Variants in KCTD2 observed in about 807,000 individuals in gnomAD.
The protein encoded by KCTD2 is BTB/POZ domain-containing protein KCTD2.
Under a neutral mutation model 27.9 loss-of-function variants are expected in KCTD2, and 18 were observed. The ratio of observed to expected loss-of-function variants is 0.64; its 90% CI spans 0.45 to 0.96. The LOEUF (loss-of-function observed/expected upper bound fraction) is 0.96. Ranked by LOEUF, KCTD2 falls within the 40% of genes least tolerant of loss-of-function variation. The pLI, the probability that KCTD2 is intolerant of heterozygous loss-of-function variation, is 0.00. For synonymous variants in KCTD2, 175 were observed against 148.4 expected (o/e 1.18, Z -1.30); for missense variants, 280 against 348.0 (o/e 0.80, Z 1.56).
rs71159419 is a variant in KCTD2 at position 75,053,858 on chromosome 17, C to CTT, written c.540+778_540+779dup. Reference sequence around the variant, plus strand: ...CTTCAGCAGCTGCTTGTGAACCATGCTTTTTTTTTTTTTTTTTTTTTTTTT... The same window carrying CTT: ...CTTCAGCAGCTGCTTGTGAACCATGCTTTTTTTTTTTTTTTTTTTTTTTTTTT... On this transcript the variant is annotated intron_variant, in intron 3 of 5. Transcript: ENST00000322444. Among the ~76,000 whole-genome samples the CTT allele has an allele frequency of 2.2e-3, 128 of 59,316 alleles. 20 individuals are homozygous for CTT. The highest frequency in any genetic ancestry group is 2.6e-3 in the Non-Finnish European group (94 of 35,762). 38.9% of individuals were successfully genotyped at this position (59,316 alleles called of 152,430 possible).
At chr17:75,045,289 C>T (rs1409416913), upstream of KCTD2, among the ~76,000 whole-genome samples, 1 of 152,172 alleles carries the variant, frequency 6.6e-6, no homozygotes, top group African/African-American at 2.4e-5. Flanking sequence ...GATCACAAGA[C>T]CACAGGACCA....
At chr17:75,056,054 T>C (rs2073347268) in intron 3 of KCTD2, among the ~76,000 whole-genome samples, 1 of 152,164 alleles carries the variant, frequency 6.6e-6, no homozygotes, top group Non-Finnish European at 1.5e-5. Context: ...TTTCTGGCTC[T>C]AACTGGAATA....
chr17:75,050,072 GCTCT>G (rs996861685), intron 2 of KCTD2, among the ~76,000 whole-genome samples: 2 of 152,174 alleles, frequency 1.3e-5, no homozygotes, highest in South Asian at 2.1e-4. Context: ...AAGAGGAATT[GCTCT>G]CTCTCTCTTT....
intron 3 of KCTD2, among the ~76,000 whole-genome samples, chr17:75,035,512 T>A (rs2040107769): frequency 2.0e-5 from 3 of 152,134 alleles, no homozygotes; most frequent in South Asian, 4.1e-4. Context: ...GTTATGAAGT[T>A]AAACAGCAGA....
chr17:75,062,241 C>T lies in KCTD2; in HGVS notation c.758C>T (p.Ala253Val). 8 of 1,611,462 alleles carry T rather than the reference C, an allele frequency of 5.0e-6. No homozygotes were observed. The highest frequency in any genetic ancestry group is 6.8e-6 in the Non-Finnish European group (8 of 1,178,994). ...NGIVIEPSEK[A>V]KILQERGSRM is the part of the protein sequence containing the mutation. ...ATCGTCATAGAGCCGAGCGAAAAGGCGAAGGTAAGGAGCCCCTTCCCTGGG... is the reference window on the plus strand; with the variant it reads ...ATCGTCATAGAGCCGAGCGAAAAGGTGAAGGTAAGGAGCCCCTTCCCTGGG... Residue 253 changes from alanine (A) to valine (V), a missense_variant, in exon 5 of 6, where the codon GCG becomes GTG. Coordinates refer to ENST00000322444, the MANE Select transcript of KCTD2 (RefSeq NM_015353.3).
At position 75,065,066 on chromosome 17, in the gene KCTD2, C is replaced by G. The variant is rs954725986; in HGVS notation, c.*2019C>G. 1.3e-5 allele frequency: 2 copies of G among 152,242 alleles called. No homozygotes were observed. The highest frequency in any genetic ancestry group is 4.8e-5 in the African/African-American group (2 of 41,440). The allele number at this position is 152,242 out of a possible 1,614,324, so 9.4% of individuals were successfully genotyped here. A position where few individuals can be genotyped will look rare whatever the true frequency, so the allele number is the denominator to read the frequency against. ...AGCAAGGAGGCCTGGGGGTCAGACACCAATGTTGAGCACCTCCTGAGGGCG... is the reference window on the plus strand; with the variant it reads ...AGCAAGGAGGCCTGGGGGTCAGACAGCAATGTTGAGCACCTCCTGAGGGCG... On this transcript the variant is annotated 3_prime_UTR_variant, in exon 6 of 6. Transcript: ENST00000322444.
Position 75,047,500 on chromosome 17 carries a change from G to T in KCTD2, c.250G>T (p.Val84Leu). The change falls in exon 1 of 6, where the codon GTG (valine) becomes TTG (leucine). Residue 84 changes from valine (V) to leucine (L), a missense_variant. Val to Leu is a conservative substitution (Grantham distance 32). Coordinates refer to ENST00000322444, the MANE Select transcript of KCTD2 (RefSeq NM_015353.3). ...VRLNVGGTYF[V>L]TTRQTLGREP... ...GCTGAACGTGGGAGGCACCTACTTC[G>T]TGACCACCAGACAGACCTTAGGCCG... 1 of 1,604,338 alleles carries T rather than the reference G, an allele frequency of 6.2e-7. No individual in the cohort carries two copies. Among genetic ancestry groups the T allele is most frequent in the Non-Finnish European group, 8.5e-7 (1 of 1,176,348 alleles).
intron 5 of KCTD2, 37 bp from the exon 6 acceptor site, chr17:75,062,981 C>T (rs1474386485): frequency 4.3e-6 from 7 of 1,611,896 alleles, no homozygotes; most frequent in Non-Finnish European, 5.9e-6. Flanking sequence ...GTCTTTCCCT[C>T]AGCAGCCTCA....
At chr17:75,059,892 T>A (rs1446343245) in intron 4 of KCTD2, among the ~76,000 whole-genome samples, 1 of 152,188 alleles carries the variant, frequency 6.6e-6, no homozygotes, top group Non-Finnish European at 1.5e-5. Context: ...TTGGTTTTTG[T>A]TCCCTCACAG....
chr17:75,049,316 T>A lies in KCTD2; in HGVS notation c.436T>A (p.Leu146Met). Reference protein sequence around the residue: ...RHGKLIITKELAEEGVLEEAE... With the variant: ...RHGKLIITKEMAEEGVLEEAE... ...CGGGAAACTCATCATCACTAAGGAG[T>A]TGGCAGAAGAAGGTAAGCGCACTGT... is the stretch of plus-strand genomic sequence containing the variant. The change falls in exon 2 of 6, where the codon TTG becomes ATG. Residue 146 changes from leucine (L) to methionine (M), a missense_variant. By Grantham distance (15) the Leu-to-Met change is conservative. Coordinates refer to ENST00000322444, the MANE Select transcript of KCTD2 (RefSeq NM_015353.3). 2 of 1,606,072 alleles carry A rather than the reference T, an allele frequency of 1.2e-6. No individual in the cohort carries two copies. Among genetic ancestry groups the A allele is most frequent in the Non-Finnish European group, 1.7e-6 (2 of 1,172,902 alleles).
At chr17:75,061,997 C>CT (rs1393291877) in intron 4 of KCTD2, 123 bp from the exon 5 acceptor site, 13 of 1,100,646 alleles carry the variant, frequency 1.2e-5, no homozygotes, top group Non-Finnish European at 1.6e-5. Flanking sequence ...ACAGAGAACT[C>CT]ATATAAAGAG....
At chr17:75,043,085 G>C (rs901418620), upstream of KCTD2, among the ~76,000 whole-genome samples, 2 of 151,562 alleles carry the variant, frequency 1.3e-5, no homozygotes, top group African/African-American at 4.9e-5. Context: ...AGCCAGCCGT[G>C]GTGGCCCGCG....
In KCTD2 at chr17:75,053,078, A is replaced by G; in HGVS notation, c.513A>G (p.Ile171Met). 1.2e-6 allele frequency: 2 copies of G among 1,614,002 alleles called. No homozygotes were observed. The highest frequency in any genetic ancestry group is 1.7e-6 in the Non-Finnish European group (2 of 1,179,894). ...TTGTGCGGCTGGTTAAGGAAAGGATACGGGACAATGAGAACAGAACTTCAC... is the reference window on the plus strand; with the variant it reads ...TTGTGCGGCTGGTTAAGGAAAGGATGCGGGACAATGAGAACAGAACTTCAC... ...ASLVRLVKERIRDNENRTSQG... is the reference protein window; with the variant it reads ...ASLVRLVKERMRDNENRTSQG... Residue 171 changes from isoleucine to methionine, a missense_variant, in exon 3 of 6, where the codon ATA becomes ATG. By Grantham distance (10) the Ile-to-Met change is conservative. Coordinates refer to ENST00000322444, the MANE Select transcript of KCTD2 (RefSeq NM_015353.3).
intron 3 of KCTD2, among the ~76,000 whole-genome samples, chr17:75,037,892 A>T (rs908653550): frequency 3.3e-5 from 5 of 151,842 alleles, no homozygotes; most frequent in African/African-American, 1.2e-4. Context: ...TACTAAAAAT[A>T]AAACAAATTA....
In KCTD2 at chr17:75,063,202, T is replaced by A. The variant is rs144678885; in HGVS notation, c.*155T>A. 1.6e-4 allele frequency: 116 copies of A among 716,898 alleles called. No individual in the cohort carries two copies. The African/African-American group carries it at 1.7e-3, about 11-fold the overall frequency. 44.4% of individuals were successfully genotyped at this position (716,898 alleles called of 1,614,324 possible). A position where few individuals can be genotyped will look rare whatever the true frequency, so the allele number is the denominator to read the frequency against. ...GTGTTCTGGTCAAAACTAAAGGAAC[T>A]CCCTCCCCACCTGCAGGACTCCGAA... On this transcript the variant is annotated 3_prime_UTR_variant, in exon 6 of 6. Transcript: ENST00000322444.
chr17:75,043,198 G>A (rs1258073317), upstream of KCTD2, among the ~76,000 whole-genome samples: 1 of 152,184 alleles, frequency 6.6e-6, no homozygotes, highest in Non-Finnish European at 1.5e-5. Context: ...CCTAGCCTGG[G>A]CAACACAGCA....
chr17:75,051,277 CT>C (rs35794705), intron 2 of KCTD2, among the ~76,000 whole-genome samples: 1,372 of 64,678 alleles, frequency 0.021, no homozygotes, highest in African/African-American at 0.041. Context: ...CGCGCCCGAC[CT>C]TTTTTTTTTT....
chr17:75,047,492 C>T lies in KCTD2; in HGVS notation c.242C>T (p.Thr81Ile), dbSNP rs747475094. ...ARWVRLNVGG[T>I]YFVTTRQTLG... Reference sequence around the variant, plus strand: ...TGGGTCAGGCTGAACGTGGGAGGCACCTACTTCGTGACCACCAGACAGACC... The same window carrying T: ...TGGGTCAGGCTGAACGTGGGAGGCATCTACTTCGTGACCACCAGACAGACC... Residue 81 changes from threonine (T) to isoleucine (I), a missense_variant, in exon 1 of 6, where the codon ACC becomes ATC. By Grantham distance (89) the Thr-to-Ile change is moderately conservative (BLOSUM62 -1). Coordinates refer to ENST00000322444, the MANE Select transcript of KCTD2 (RefSeq NM_015353.3). 1.9e-6 allele frequency: 3 copies of T among 1,602,994 alleles called. No homozygotes were observed. Among genetic ancestry groups the T allele is most frequent in the Non-Finnish European group, 2.6e-6 (3 of 1,175,950 alleles).
intron 3 of KCTD2, chr17:75,036,063 T>G (rs1209950639): frequency 2.2e-6 from 1 of 454,042 alleles, no homozygotes; most frequent in African/African-American, 2.0e-5. Flanking sequence ...TTTCTTTTTC[T>G]TCTTCCCTGA....
Sources: allele counts gnomAD v4.1 joint callset (sites outside exome capture counted in the v4.1 genomes callset), GRCh38; gene constraint gnomAD v4.1.1; transcripts MANE v1.5; gene names NCBI Gene and HGNC (gene_info 2026-07-23, HGNC 2026-07-21).